GASK1B: variants seen among roughly 807,000 people sequenced by gnomAD.
The protein encoded by GASK1B is Golgi-associated kinase 1B.
A neutral mutation model predicts 42.8 loss-of-function variants in GASK1B; 34 were observed. The observed-to-expected ratio is 0.79, with a 90% CI of 0.60 to 1.06. GASK1B has a LOEUF of 1.06. GASK1B is among the 50% of genes least tolerant of loss of function. The pLI is 0.00. For missense variants in GASK1B, 686 were observed against 661.0 expected, an observed-to-expected ratio of 1.04 and a Z score of -0.42; for synonymous variants, 262 against 259.1, an observed-to-expected ratio of 1.01 and a Z score of -0.11.
chr4:158,169,935 G>A (rs1223589481), intron 2 of GASK1B: 1 of 344,762 alleles, frequency 2.9e-6, no homozygotes, highest in African/African-American at 2.1e-5. Flanking sequence ...CTTTTTATTT[G>A]TTAAATAAAG....
chr4:158,146,455 C>A (rs764528778), intron 3 of GASK1B, among the ~76,000 whole-genome samples: 1 of 152,038 alleles, frequency 6.6e-6, no homozygotes, highest in Non-Finnish European at 1.5e-5. Flanking sequence ...TTGCTTAATT[C>A]ATAAGTAATA....
chr4:158,138,728 G>T (rs1026241643), intron 3 of GASK1B, among the ~76,000 whole-genome samples: 14 of 151,870 alleles, frequency 9.2e-5, no homozygotes, highest in Admixed American at 8.5e-4. Flanking sequence ...TTTGGTTATG[G>T]TTAACAGAAC....
At position 158,125,149 on chromosome 4, in the gene GASK1B, CA is replaced by C. The variant is rs1730402829; in HGVS notation, c.*2257del. 6.6e-6 allele frequency: 1 copy of C among 152,150 alleles called. No homozygotes were observed. Among genetic ancestry groups the C allele is most frequent in the Non-Finnish European group, 1.5e-5 (1 of 68,016 alleles). The allele number at this position is 152,150 out of a possible 1,614,324, so 9.4% of individuals were successfully genotyped here. On this transcript the variant is annotated 3_prime_UTR_variant, in exon 5 of 5. Coordinates refer to ENST00000585682, the MANE Select transcript of GASK1B (RefSeq NM_001128424.2). ...GCCTGGCCTTCGGCTATCCATTAGT[CA>C]AAAATAATTCATCATGAATTACTCA...
intron 3 of GASK1B, among the ~76,000 whole-genome samples, chr4:158,139,127 A>C (rs1273617581): frequency 6.6e-6 from 1 of 152,212 alleles, no homozygotes; most frequent in Non-Finnish European, 1.5e-5. Context: ...GCCTAAGGAG[A>C]TAAAACGAGT....
At chr4:158,127,894 A>C (rs1166871093) in intron 4 of GASK1B, among the ~76,000 whole-genome samples, 1 of 152,214 alleles carries the variant, frequency 6.6e-6, no homozygotes, top group Non-Finnish European at 1.5e-5. Flanking sequence ...GGAATTGGAA[A>C]GGATTCTATT....
intron 3 of GASK1B, among the ~76,000 whole-genome samples, chr4:158,148,822 C>G (rs937686806): frequency 6.6e-6 from 1 of 152,148 alleles, no homozygotes; most frequent in Admixed American, 6.5e-5. Context: ...AGACAATAGG[C>G]AAGATAATGA....
At chr4:158,131,536 C>A (rs1730682249) in intron 3 of GASK1B, among the ~76,000 whole-genome samples, 1 of 152,146 alleles carries the variant, frequency 6.6e-6, no homozygotes, top group South Asian at 2.1e-4. Context: ...GAGACCAAAT[C>A]ATAAAACCTA....
intron 3 of GASK1B, among the ~76,000 whole-genome samples, chr4:158,152,741 A>G (rs1258330896): frequency 1.3e-5 from 2 of 152,190 alleles, no homozygotes; most frequent in East Asian, 3.8e-4. Flanking sequence ...CAGAATTAAA[A>G]ACAAAAACCA....
Position 158,171,007 on chromosome 4 carries a change from G to T in GASK1B, c.369C>A (p.Gly123=). The change falls in exon 2 of 5, where the codon GGC becomes GGA. Residue 123 remains glycine (G), a synonymous_variant. Transcript: ENST00000585682. The part of the protein sequence containing the change: ...SKRSKPANIR[G]TVKPKRRKKH... ...TTTTCCTGCGCTTGGGCTTCACGGTGCCACGGATATTGGCCGGCTTGCTGC... is the reference window on the plus strand; with the variant it reads ...TTTTCCTGCGCTTGGGCTTCACGGTTCCACGGATATTGGCCGGCTTGCTGC... 2 of 1,614,154 alleles carry T rather than the reference G, an allele frequency of 1.2e-6. No homozygotes were observed. Among genetic ancestry groups the T allele is most frequent in the Non-Finnish European group, 1.7e-6 (2 of 1,179,972 alleles).
At chr4:158,170,289 C>T (rs749941386) in intron 2 of GASK1B, 177 bp downstream of exon 2, 4 of 1,614,248 alleles carry the variant, frequency 2.5e-6, no homozygotes, top group East Asian at 2.2e-5. Context: ...CTCTCATATC[C>T]TCCCAGGCTG....
intron 3 of GASK1B, among the ~76,000 whole-genome samples, chr4:158,145,597 G>C (rs17212714): frequency 0.082 from 12,496 of 151,928 alleles, 731 homozygotes; most frequent in Non-Finnish European, 0.11. Flanking sequence ...TCCATTTCTA[G>C]ATTACATGTC....
At chr4:158,172,578 A>C (rs1732601552) in intron 1 of GASK1B, 1 of 152,276 alleles carries the variant, frequency 6.6e-6, no homozygotes, top group African/African-American at 2.4e-5. Context: ...ATAGTTAACA[A>C]AATAAACTTT....
intron 3 of GASK1B, among the ~76,000 whole-genome samples, chr4:158,153,150 G>A (rs1261375015): frequency 7.9e-5 from 12 of 152,140 alleles, no homozygotes; most frequent in Admixed American, 7.9e-4. Context: ...CTTCAGTAAA[G>A]CTTCGGGATA....
intron 2 of GASK1B, among the ~76,000 whole-genome samples, chr4:158,161,527 G>A (rs183743707): frequency 1.8e-4 from 28 of 152,198 alleles, no homozygotes; most frequent in Admixed American, 1.4e-3. Flanking sequence ...AACTTAAATC[G>A]CCAGTTCTCC....
In GASK1B at chr4:158,127,473, G is replaced by C; in HGVS notation, c.1494C>G (p.His498Gln). The change falls in exon 5 of 5, where the codon CAC becomes CAG. Residue 498 changes from histidine (H) to glutamine (Q), a missense_variant. His to Gln is a conservative substitution (Grantham distance 24). Coordinates refer to ENST00000585682, the MANE Select transcript of GASK1B (RefSeq NM_001128424.2). ...TATAGGTGATAAGAATTTTGGCTCT[G>C]TGTTCTATTACATCGATAAGCTTTT... ...GIEKLIDVIE[H>Q]RAKILITYIN... is the part of the protein sequence containing the mutation. The C allele has an allele frequency of 6.2e-7, 1 of 1,613,782 alleles. No homozygotes were observed. Among genetic ancestry groups the C allele is most frequent in the Non-Finnish European group, 8.5e-7 (1 of 1,179,798 alleles).
chr4:158,166,403 G>A (rs1379863703), intron 2 of GASK1B, among the ~76,000 whole-genome samples: 1 of 152,170 alleles, frequency 6.6e-6, no homozygotes, highest in Non-Finnish European at 1.5e-5. Flanking sequence ...GGAACTCTTT[G>A]TCATTTGATT....
intron 3 of GASK1B, among the ~76,000 whole-genome samples, chr4:158,140,408 C>T (rs1487456775): frequency 6.6e-6 from 1 of 152,160 alleles, no homozygotes; most frequent in Non-Finnish European, 1.5e-5. Flanking sequence ...TCTCACTTAA[C>T]CCTTAACCCT....
chr4:158,165,652 T>C (rs1732201854), intron 2 of GASK1B, among the ~76,000 whole-genome samples: 1 of 152,232 alleles, frequency 6.6e-6, no homozygotes, highest in Non-Finnish European at 1.5e-5. Flanking sequence ...GAAACCATCA[T>C]GCTAAAATTT....
chr4:158,167,391 T>C (rs574829638), intron 2 of GASK1B, among the ~76,000 whole-genome samples: 1 of 152,306 alleles, frequency 6.6e-6, no homozygotes, highest in East Asian at 1.9e-4. Context: ...GTAAGGAGGC[T>C]ACCAAAAACA....
Sources: allele counts gnomAD v4.1 joint callset (sites outside exome capture counted in the v4.1 genomes callset), GRCh38; gene constraint gnomAD v4.1.1; transcripts MANE v1.5; gene names NCBI Gene and HGNC (gene_info 2026-07-23, HGNC 2026-07-21).